ZNF85: variants seen among roughly 807,000 people sequenced by gnomAD.
The protein encoded by ZNF85 is zinc finger protein 85 (HPF4, HTF1).
Under a neutral mutation model 53.9 loss-of-function variants are expected in ZNF85, and 50 were observed. That is an observed-to-expected ratio of 0.93 (90% CI 0.74 to 1.17). The LOEUF (loss-of-function observed/expected upper bound fraction) is 1.17. ZNF85 is among the 50% of genes most tolerant of loss of function. The probability of loss-of-function intolerance (pLI) is 0.00; values close to 1 mark genes in which losing one functional copy is unlikely to be tolerated. For synonymous variants in ZNF85, 225 were observed against 226.1 expected (o/e 1.00, Z 0.04); for missense variants, 747 against 688.5 (o/e 1.08, Z -0.95).
At chr19:20,947,271 T>C (rs1973443003) in intron 3 of ZNF85, among the ~76,000 whole-genome samples, 1 of 151,796 alleles carries the variant, frequency 6.6e-6, no homozygotes, top group Admixed American at 6.6e-5. Flanking sequence ...AGTACATTAA[T>C]GAGTGTTTAT....
At position 20,924,668 on chromosome 19, in the gene ZNF85, G is replaced by T. The variant is rs559817556; in HGVS notation, c.3+1265G>T. ...CTCTGATACACATTATCAATTATTT[G>T]TCCTTTATTGTACATTTTATATTTC... On this transcript the variant is annotated intron_variant, in intron 1 of 3. Transcript: ENST00000328178. 5.9e-5 allele frequency among the ~76,000 whole-genome samples: 9 copies of T among 152,172 alleles called. No homozygotes were observed. The South Asian group carries it at 1.9e-3, about 32-fold the overall frequency.
rs753715935 is a variant in ZNF85, at chr19:20,948,810, T to G, written c.296T>G (p.Val99Gly). The G allele has an allele frequency of 2.5e-6, 4 of 1,609,646 alleles. No individual in the cohort carries two copies. Among genetic ancestry groups the G allele is most frequent in the Non-Finnish European group, 3.4e-6 (4 of 1,178,754 alleles). ...AATATAAAAGATTCTTTCCAAAAAG[T>G]GACACTGAAAAGATATGGAAAATGT... ...EQNIKDSFQK[V>G]TLKRYGKCRH... is the part of the protein sequence containing the mutation. The change falls in exon 4 of 4, where the codon GTG (valine) becomes GGG (glycine). Residue 99 changes from valine to glycine, a missense_variant. Val to Gly is a moderately radical substitution (Grantham distance 109). Transcript: ENST00000328178.
rs116971198 is a variant in ZNF85, at chr19:20,928,875, T to G, written c.4-5149T>G. Among the ~76,000 whole-genome samples the G allele has an allele frequency of 4.1e-4, 63 of 152,228 alleles. 1 individual carries two copies. In the East Asian group the frequency reaches 0.011, roughly 27 times the overall value. On this transcript the variant is annotated intron_variant, in intron 1 of 3. Coordinates refer to ENST00000328178, the MANE Select transcript of ZNF85 (RefSeq NM_003429.5). Reference sequence around the variant, plus strand: ...TGCACTTTACCCCACCCATGAAGTTTTTTTCTTTTAACTTTTGATTTTGGT... The same window carrying G: ...TGCACTTTACCCCACCCATGAAGTTGTTTTCTTTTAACTTTTGATTTTGGT...
At chr19:20,948,564 A>G (rs1254610424) in intron 3 of ZNF85, among the ~76,000 whole-genome samples, 180 bp from the exon 4 acceptor site, 6 of 152,086 alleles carry the variant, frequency 3.9e-5, no homozygotes, top group East Asian at 1.9e-4. Context: ...ATTTTCCACA[A>G]ATGTATTTTG....
intron 3 of ZNF85, chr19:20,945,445 C>T (rs35717492): frequency 0.11 from 17,204 of 152,032 alleles, 1,008 homozygotes; most frequent in Non-Finnish European, 0.13. Context: ...AGAATATTTC[C>T]TGCTTTTTGA....
chr19:20,934,846 T>C (rs2144626294), intron 2 of ZNF85, 103 bp from the exon 3 acceptor site: 1 of 618,874 alleles, frequency 1.6e-6, no homozygotes, highest in Middle Eastern at 4.7e-4. Flanking sequence ...AAATGTCTGT[T>C]ATAAATTAGT....
intron 3 of ZNF85, among the ~76,000 whole-genome samples, chr19:20,940,646 G>A (rs1973274390): frequency 6.6e-6 from 1 of 152,070 alleles, no homozygotes; most frequent in African/African-American, 2.4e-5. Flanking sequence ...TACCCATTAA[G>A]TAACAGCAAC....
At position 20,942,926 on chromosome 19, in the gene ZNF85, G is replaced by A. The variant is rs1973332721; in HGVS notation, c.230-5818G>A. The A allele has an allele frequency of 1.9e-5, 11 of 593,866 alleles. No homozygotes were observed. In the East Asian group the frequency reaches 3.3e-4, roughly 18 times the overall value. 36.8% of individuals were successfully genotyped at this position (593,866 alleles called of 1,614,324 possible). ...GAGTAGCTTGGACTACAGACATGCA[G>A]TACTATGCCTGGCTAATTTTTTGAT... is the stretch of plus-strand genomic sequence containing the variant. On this transcript the variant is annotated intron_variant, in intron 3 of 3. Transcript: ENST00000328178.
chr19:20,950,007 C>A lies in ZNF85; in HGVS notation c.1493C>A (p.Thr498Asn). ...GGTTTTAAATGGCCCTCAACCCTTA[C>A]TATCCATAAGATAATTCATACTGGA... ...GKGFKWPSTL[T>N]IHKIIHTGEK... Residue 498 changes from threonine (T) to asparagine (N), a missense_variant, in exon 4 of 4, where the codon ACT becomes AAT. Physicochemically the swap from Thr to Asn is moderately conservative, Grantham distance 65. Transcript: ENST00000328178. 1 of 1,612,956 alleles carries A rather than the reference C, an allele frequency of 6.2e-7. No homozygotes were observed. The highest frequency in any genetic ancestry group is 8.5e-7 in the Non-Finnish European group (1 of 1,179,652).
intron 3 of ZNF85, among the ~76,000 whole-genome samples, chr19:20,940,195 T>C (rs911228190): frequency 1.3e-5 from 2 of 152,210 alleles, no homozygotes; most frequent in African/African-American, 4.8e-5. Flanking sequence ...AGAAAATTGT[T>C]TTTAAAACAC....
At chr19:20,927,422 T>C (rs1972905104) in intron 1 of ZNF85, 1 of 151,106 alleles carries the variant, frequency 6.6e-6, no homozygotes, top group African/African-American at 2.4e-5. Flanking sequence ...CATTGCACTC[T>C]AGCCTGGGCA....
chr19:20,937,881 G>T (rs1026239635), intron 3 of ZNF85, among the ~76,000 whole-genome samples: 18 of 152,192 alleles, frequency 1.2e-4, no homozygotes, highest in Non-Finnish European at 2.5e-4. Context: ...TGACCAAGCT[G>T]GGTGGGCCAT....
In ZNF85 at chr19:20,923,326, G is replaced by A; in HGVS notation, c.-75G>A. The A allele has an allele frequency of 6.2e-7, 1 of 1,610,002 alleles. No homozygotes were observed. The highest frequency in any genetic ancestry group is 8.5e-7 in the Non-Finnish European group (1 of 1,176,834). ...TGTGTTTTCTGCTCGTGGACGCCCA[G>A]CCTCTGTGGCCCTGTGGCCTGCAGG... On this transcript the variant is annotated 5_prime_UTR_variant, in exon 1 of 4. Transcript: ENST00000328178.
Position 20,937,300 on chromosome 19 carries a change from G to A in ZNF85, c.229+2253G>A, listed in dbSNP as rs1299135295. ...CCACCTCAGCCTCCCAAAGTGCTTG[G>A]ATTATAGACATGAGCCTCAGCGCCC... is the stretch of plus-strand genomic sequence containing the variant. On this transcript the variant is annotated intron_variant, in intron 3 of 3. Transcript: ENST00000328178. 1.3e-5 allele frequency: 6 copies of A among 455,678 alleles called. No individual in the cohort carries two copies. The East Asian group carries it at 4.2e-4, about 32-fold the overall frequency. 28.2% of individuals were successfully genotyped at this position (455,678 alleles called of 1,614,324 possible). A position where few individuals can be genotyped will look rare whatever the true frequency, so the allele number is the denominator to read the frequency against.
At chr19:20,937,962 G>T (rs149527702) in intron 3 of ZNF85, among the ~76,000 whole-genome samples, 1 of 152,140 alleles carries the variant, frequency 6.6e-6, no homozygotes, top group Non-Finnish European at 1.5e-5. Flanking sequence ...CTTCCGAAAC[G>T]GATACTCCTC....
At position 20,949,959 on chromosome 19, in the gene ZNF85, A is replaced by G. The variant is rs1973535916; in HGVS notation, c.1445A>G (p.Tyr482Cys). 6.2e-7 allele frequency: 1 copy of G among 1,611,144 alleles called. No homozygotes were observed. The highest frequency in any genetic ancestry group is 1.3e-5 in the African/African-American group (1 of 74,828). Residue 482 changes from tyrosine (Y) to cysteine (C), a missense_variant, in exon 4 of 4, where the codon TAC (tyrosine) becomes TGC (cysteine). By Grantham distance (194) the Tyr-to-Cys change is radical. Transcript: ENST00000328178. ...AAAAGTCATACAGAAGAGAAACCTT[A>G]CAAATGTGAAGAATGTGGCAAAGGT... is the stretch of plus-strand genomic sequence containing the variant. ...HKKSHTEEKP[Y>C]KCEECGKGFK...
At chr19:20,938,874 G>A (rs1238836853) in intron 3 of ZNF85, among the ~76,000 whole-genome samples, 1 of 140,714 alleles carries the variant, frequency 7.1e-6, no homozygotes, top group African/African-American at 2.8e-5. Flanking sequence ...GTGTGTGTGT[G>A]TGTATATATA....
intron 3 of ZNF85, among the ~76,000 whole-genome samples, chr19:20,935,689 C>T (rs561116164): frequency 6.6e-6 from 1 of 150,456 alleles, no homozygotes; most frequent in South Asian, 2.1e-4. Flanking sequence ...CTCTTGTTAC[C>T]CAGGCTGGAG....
chr19:20,929,844 G>C (rs1253569796), intron 1 of ZNF85, among the ~76,000 whole-genome samples: 1 of 152,178 alleles, frequency 6.6e-6, no homozygotes, highest in African/African-American at 2.4e-5. Flanking sequence ...TTTTGGGCCA[G>C]GCGTGGTGGC....
Sources: allele counts gnomAD v4.1 joint callset (sites outside exome capture counted in the v4.1 genomes callset), GRCh38; gene constraint gnomAD v4.1.1; transcripts MANE v1.5; gene names NCBI Gene and HGNC (gene_info 2026-07-23, HGNC 2026-07-21).